MRRF: variants seen among roughly 807,000 people sequenced by gnomAD.
MRRF encodes mitochondrial ribosome recycling factor.
In MRRF, 18 loss-of-function variants were observed where a neutral mutation model predicts 25.1. The observed-to-expected ratio is 0.72, with a 90% CI of 0.50 to 1.06. MRRF has a LOEUF of 1.06. Ranked by LOEUF, MRRF falls within the 50% of genes least tolerant of loss-of-function variation. MRRF has a pLI of 0.00. For synonymous variants in MRRF, 113 were observed against 112.1 expected (o/e 1.01, Z -0.05); for missense variants, 323 against 319.3 (o/e 1.01, Z -0.09).
chr9:122,272,167 C>T (rs190603718), intron 2 of MRRF, among the ~76,000 whole-genome samples: 32 of 152,266 alleles, frequency 2.1e-4, no homozygotes, highest in African/African-American at 7.0e-4. Flanking sequence ...TAATCCAGAT[C>T]TCACCATTTT....
intron 4 of MRRF, among the ~76,000 whole-genome samples, chr9:122,289,066 T>C (rs1219973344): frequency 6.6e-6 from 1 of 152,214 alleles, no homozygotes; most frequent in East Asian, 1.9e-4. Flanking sequence ...TCAGATGTCA[T>C]ATGAGAACAT....
chr9:122,299,955 C>T (rs1834344125), intron 5 of MRRF, among the ~76,000 whole-genome samples: 1 of 152,060 alleles, frequency 6.6e-6, no homozygotes, highest in Admixed American at 6.5e-5. Flanking sequence ...CTTGGGTCTT[C>T]TGAGAAGCAG....
intron 2 of MRRF, among the ~76,000 whole-genome samples, chr9:122,277,857 T>C (rs1344908338): frequency 1.3e-5 from 2 of 152,170 alleles, no homozygotes; most frequent in Non-Finnish European, 2.9e-5. Flanking sequence ...TGGCCTTATT[T>C]TGGACTTTCT....
In MRRF at chr9:122,330,037, CT is replaced by C. The variant is rs1225297930; in HGVS notation, c.*7421del. 6.6e-6 allele frequency: 1 copy of C among 152,320 alleles called. No individual in the cohort carries two copies. Among genetic ancestry groups the C allele is most frequent in the East Asian group, 1.9e-4 (1 of 5,206 alleles). 9.4% of individuals were successfully genotyped at this position (152,320 alleles called of 1,614,324 possible). A position where few individuals can be genotyped will look rare whatever the true frequency, so the allele number is the denominator to read the frequency against. Reference sequence around the variant, plus strand: ...CTTCAACCTCATCTGCTAAGTCGGCCTCAGGCGTTTCTAGACATCTTAAGGG... The same window carrying C: ...CTTCAACCTCATCTGCTAAGTCGGCCCAGGCGTTTCTAGACATCTTAAGGG... On this transcript the variant is annotated 3_prime_UTR_variant, in exon 7 of 7. Coordinates refer to ENST00000344641, the MANE Select transcript of MRRF (RefSeq NM_138777.5). This position sits in a 1 kb window ranked among gnomAD's most constrained non-coding sequence, Gnocchi z 4.2.
intron 4 of MRRF, among the ~76,000 whole-genome samples, chr9:122,288,993 G>C (rs146037155): frequency 6.6e-6 from 1 of 152,148 alleles, no homozygotes; most frequent in Non-Finnish European, 1.5e-5. Flanking sequence ...GTGAAGGGAT[G>C]ATGCATAAGA....
intron 3 of MRRF, among the ~76,000 whole-genome samples, chr9:122,281,019 C>A (rs760277973): frequency 2.0e-5 from 3 of 152,170 alleles, no homozygotes; most frequent in Non-Finnish European, 2.9e-5. Flanking sequence ...TAGTAACTGA[C>A]ATCTTTGGTC....
At chr9:122,314,206 T>A (rs1835375418) in intron 6 of MRRF, among the ~76,000 whole-genome samples, 1 of 152,234 alleles carries the variant, frequency 6.6e-6, no homozygotes, top group Non-Finnish European at 1.5e-5. Flanking sequence ...GGGGTGTAGC[T>A]ATTCTAGGCT....
intron 4 of MRRF, among the ~76,000 whole-genome samples, chr9:122,290,053 CAA>C (rs35432998): frequency 1.2e-4 from 14 of 113,316 alleles, no homozygotes; most frequent in African/African-American, 1.8e-4. Context: ...GACCCTGTCT[CAA>C]AAAAAAAAAA....
chr9:122,268,191 G>T (rs1430473363), intron 1 of MRRF, among the ~76,000 whole-genome samples: 1 of 152,148 alleles, frequency 6.6e-6, no homozygotes, highest in African/African-American at 2.4e-5. Context: ...TAAAATCTAC[G>T]CCTTAAGCAT....
Position 122,280,516 on chromosome 9 carries a change from A to G in MRRF, c.258A>G (p.Glu86=). The change falls in exon 3 of 7, where the codon GAA becomes GAG. Residue 86 remains glutamate, a synonymous_variant. Coordinates refer to ENST00000344641, the MANE Select transcript of MRRF (RefSeq NM_138777.5). ...TGGTTGAGGATATAATCAACTTGGA[A>G]GAGGTGAATGAAGAAATGAAGTCTG... is the stretch of plus-strand genomic sequence containing the variant. The part of the protein sequence containing the change: ...AALVEDIINL[E]EVNEEMKSVI... 1.2e-6 allele frequency: 2 copies of G among 1,613,970 alleles called. No homozygotes were observed. Among genetic ancestry groups the G allele is most frequent in the Non-Finnish European group, 1.7e-6 (2 of 1,179,832 alleles).
chr9:122,298,270 G>A (rs1237951867), intron 5 of MRRF, among the ~76,000 whole-genome samples: 1 of 152,094 alleles, frequency 6.6e-6, no homozygotes, highest in Non-Finnish European at 1.5e-5. Flanking sequence ...CAAACTATGT[G>A]GAACATAATT....
intron 6 of MRRF, among the ~76,000 whole-genome samples, chr9:122,317,324 A>G (rs923490161): frequency 3.9e-5 from 6 of 152,024 alleles, no homozygotes; most frequent in Non-Finnish European, 8.8e-5. Context: ...CACTCTACAG[A>G]AAAGATTGTT....
At chr9:122,269,177 AAATAAT>A (rs1025167417) in intron 1 of MRRF, among the ~76,000 whole-genome samples, 5 of 150,884 alleles carry the variant, frequency 3.3e-5, no homozygotes, top group Non-Finnish European at 4.4e-5. Flanking sequence ...AAAAAAAAAA[AAATAAT>A]AATAATAATA....
intron 3 of MRRF, among the ~76,000 whole-genome samples, chr9:122,284,059 A>G (rs1833238663): frequency 1.3e-5 from 2 of 152,184 alleles, no homozygotes; most frequent in South Asian, 4.2e-4. Flanking sequence ...AGGGTCGTAT[A>G]AGCAAATGGT....
At chr9:122,265,214 A>G (rs923475781) in intron 1 of MRRF, among the ~76,000 whole-genome samples, 35 of 152,222 alleles carry the variant, frequency 2.3e-4, no homozygotes, top group Admixed American at 2.1e-3. Context: ...GAGTTTCAGA[A>G]CAATCCCATA....
chr9:122,290,396 C>A (rs974108643), intron 4 of MRRF, among the ~76,000 whole-genome samples: 4 of 152,180 alleles, frequency 2.6e-5, no homozygotes, highest in Admixed American at 2.6e-4. Flanking sequence ...TAAGAATGTA[C>A]TATTTTAGGT....
intron 5 of MRRF, among the ~76,000 whole-genome samples, chr9:122,296,348 C>T (rs1415577422): frequency 6.6e-6 from 1 of 152,080 alleles, no homozygotes; most frequent in Non-Finnish European, 1.5e-5. Context: ...TCTATTTTTC[C>T]AATTCATGTA....
At chr9:122,298,543 G>A (rs7029404) in intron 5 of MRRF, among the ~76,000 whole-genome samples, 7,150 of 152,180 alleles carry the variant, frequency 0.047, 528 homozygotes, top group African/African-American at 0.16. Flanking sequence ...TTTGCATGTC[G>A]GTCTTCAATC....
chr9:122,275,659 A>G (rs956953047), intron 2 of MRRF, among the ~76,000 whole-genome samples: 1 of 151,692 alleles, frequency 6.6e-6, no homozygotes, highest in African/African-American at 2.4e-5. Context: ...GCAAACCCCA[A>G]CCCTGAGATT....
Sources: gnomAD v4.1 joint callset for allele counts (sites outside exome capture counted in the v4.1 genomes callset) on GRCh38, gnomAD v4.1.1 for gene constraint, Gnocchi (gnomAD v3.1) non-coding constraint, MANE v1.5 for transcripts, NCBI Gene and HGNC (gene_info 2026-07-23, HGNC 2026-07-21) for gene names.